The following ACSM6 variants were observed in gnomAD, a reference collection of about 807,000 sequenced individuals.
ACSM6 encodes the protein acyl-CoA synthetase medium chain family member 6.
Under a neutral mutation model 51.1 loss-of-function variants are expected in ACSM6, and 35 were observed. The observed-to-expected ratio is 0.69, with a 90% CI of 0.52 to 0.91. ACSM6 has a LOEUF of 0.91. Ranked by LOEUF, ACSM6 falls within the 40% of genes least tolerant of loss-of-function variation. ACSM6 has a pLI of 0.00. For missense variants in ACSM6, 509 were observed against 584.1 expected (o/e 0.87, Z 1.32); for synonymous variants, 172 against 207.3 (o/e 0.83, Z 1.46).
chr10:95,201,756 G>A, intron 2 of ACSM6: 1 of 581,112 alleles, frequency 1.7e-6, no homozygotes, highest in South Asian at 1.9e-5. Context: ...TCTCTCAGGA[G>A]GTTCTTCCCT....
At chr10:95,225,339 T>C (rs1431423706) in exon 10 of ACSM6, 6 of 1,551,750 alleles carry the variant, frequency 3.9e-6, no homozygotes, top group Non-Finnish European at 3.5e-6. Flanking sequence ...GAAGGAAATA[T>C]TGCAATCCGC....
chr10:95,199,088 T>C (rs2034765043), intron 2 of ACSM6, among the ~76,000 whole-genome samples: 1 of 152,194 alleles, frequency 6.6e-6, no homozygotes, highest in African/African-American at 2.4e-5. Flanking sequence ...TCATGCTACC[T>C]GACTTCAAAC....
chr10:95,228,858 G>A, exon 11 of ACSM6: 4 of 1,311,978 alleles, frequency 3.0e-6, no homozygotes, highest in Non-Finnish European at 4.0e-6. Flanking sequence ...CCAATACGTA[G>A]GAATTATATT....
At chr10:95,214,372 G>T (rs2034923019) in intron 7 of ACSM6, among the ~76,000 whole-genome samples, 1 of 129,824 alleles carries the variant, frequency 7.7e-6, no homozygotes, top group African/African-American at 2.9e-5. Flanking sequence ...TATAAAAAAT[G>T]CTCACTACTA....
Position 95,197,342 on chromosome 10 carries a change from C to T in ACSM6, c.192+2665C>T, listed in dbSNP as rs544251233. Among the ~76,000 whole-genome samples, 18 of 151,160 alleles carry T rather than the reference C, an allele frequency of 1.2e-4. No homozygotes were observed. In the East Asian group the frequency reaches 2.3e-3, roughly 20 times the overall value. Reference sequence around the variant, plus strand: ...CACTCAGCATACCAAGGACCTGCACCGGCACCGGTCTCTGAGTTCCCTCAG... The same window carrying T: ...CACTCAGCATACCAAGGACCTGCACTGGCACCGGTCTCTGAGTTCCCTCAG... On this transcript the variant is annotated intron_variant, in intron 2 of 10. Transcript: ENST00000341686.
intron 3 of ACSM6, 145 bp from the exon 4 acceptor site, chr10:95,207,063 C>T (rs900656459): frequency 1.1e-5 from 8 of 702,728 alleles, no homozygotes; most frequent in Middle Eastern, 6.8e-4. Context: ...TCCCCAGTCG[C>T]CATCGTGTTA....
intron 2 of ACSM6, among the ~76,000 whole-genome samples, chr10:95,196,193 C>G (rs1414508897): frequency 6.6e-6 from 1 of 152,200 alleles, no homozygotes; most frequent in African/African-American, 2.4e-5. Flanking sequence ...TTCCTTTGCT[C>G]AGCTCTTGAT....
intron 2 of ACSM6, 39 bp downstream of exon 2, chr10:95,194,716 A>G: frequency 2.6e-6 from 4 of 1,520,822 alleles, no homozygotes; most frequent in Non-Finnish European, 3.6e-6. Context: ...ACTTTGGCCA[A>G]GGCCAGTTGG....
chr10:95,227,994 C>T (rs935357317), intron 10 of ACSM6, among the ~76,000 whole-genome samples: 1 of 152,090 alleles, frequency 6.6e-6, no homozygotes, highest in Non-Finnish European at 1.5e-5. Flanking sequence ...TCACTTGAAC[C>T]TGGGTGGCAG....
At chr10:95,208,933 T>TAAAAAAAAAAAAAAA (rs34370150) in intron 4 of ACSM6, among the ~76,000 whole-genome samples, 9 of 33,920 alleles carry the variant, frequency 2.7e-4, no homozygotes, top group Admixed American at 5.5e-4. Flanking sequence ...CAGGGATGTT[T>TAAAAAAAAAAAAAAA]AAAAAAAAAA....
chr10:95,195,382 A>T (rs1412647860), intron 2 of ACSM6, among the ~76,000 whole-genome samples: 1 of 152,236 alleles, frequency 6.6e-6, no homozygotes, highest in African/African-American at 2.4e-5. Flanking sequence ...GAATAGAGAC[A>T]TCATGGAAAG....
chr10:95,210,286 A>G (rs1304120714), intron 4 of ACSM6, among the ~76,000 whole-genome samples: 1 of 152,192 alleles, frequency 6.6e-6, no homozygotes, highest in Non-Finnish European at 1.5e-5. Flanking sequence ...TAGAGTTGTC[A>G]GGGCTTGGCA....
At chr10:95,215,058 C>T (rs544178723) in intron 8 of ACSM6, 83 bp downstream of exon 8, 14 of 1,466,526 alleles carry the variant, frequency 9.5e-6, no homozygotes, top group East Asian at 5.0e-5. Context: ...GCACTAAGCA[C>T]GCACTAGAAA....
At chr10:95,218,025 T>C (rs2034962991) in intron 8 of ACSM6, among the ~76,000 whole-genome samples, 2 of 152,258 alleles carry the variant, frequency 1.3e-5, no homozygotes, top group South Asian at 2.1e-4. Flanking sequence ...ACTCATTGCA[T>C]TGTATTTCCC....
intron 2 of ACSM6, among the ~76,000 whole-genome samples, chr10:95,199,421 C>T (rs896379970): frequency 2.0e-5 from 3 of 152,130 alleles, no homozygotes; most frequent in African/African-American, 7.2e-5. Flanking sequence ...TAGGCAATTC[C>T]ATTCAGGACA....
intron 2 of ACSM6, among the ~76,000 whole-genome samples, chr10:95,195,624 C>A (rs1021144201): frequency 6.6e-6 from 1 of 152,118 alleles, no homozygotes. Flanking sequence ...GAATCCAGTG[C>A]GTGTGGAGAG....
intron 9 of ACSM6, among the ~76,000 whole-genome samples, chr10:95,221,967 C>T (rs982460815): frequency 1.3e-5 from 2 of 152,156 alleles, no homozygotes; most frequent in Non-Finnish European, 2.9e-5. Flanking sequence ...TAACTAACAT[C>T]ATACTCAATG....
chr10:95,225,259 G>C lies in ACSM6; in HGVS notation c.1201-31G>C, dbSNP rs1327104059. The stretch of plus-strand genomic sequence containing the variant: ...AGGAAGAGCACAAGTGGTTTGTAAG[G>C]AAAATTCCTTTAGTGATTATCTAAT... On this transcript the variant is annotated intron_variant, in intron 9 of 10. Coordinates refer to ENST00000341686, the Ensembl canonical transcript of ACSM6. 6 of 1,469,896 alleles carry C rather than the reference G, an allele frequency of 4.1e-6. No individual in the cohort carries two copies. In the Admixed American group the frequency reaches 9.8e-5, roughly 24 times the overall value. 91.1% of individuals were successfully genotyped at this position (1,469,896 alleles called of 1,614,324 possible).
intron 2 of ACSM6, among the ~76,000 whole-genome samples, chr10:95,201,162 G>A (rs556502989): frequency 1.6e-4 from 24 of 152,336 alleles, no homozygotes; most frequent in African/African-American, 5.5e-4. Context: ...ATCATGCCCT[G>A]AGAAATCTTT....
Sources: allele counts gnomAD v4.1 joint callset (sites outside exome capture counted in the v4.1 genomes callset), GRCh38; gene constraint gnomAD v4.1.1; transcripts MANE v1.5; gene names NCBI Gene and HGNC (gene_info 2026-07-23, HGNC 2026-07-21).